The following TGFA variants were observed in gnomAD, a reference collection of about 807,000 sequenced individuals.
TGFA encodes transforming growth factor alpha, also known as protransforming growth factor alpha.
A neutral mutation model predicts 21.7 loss-of-function variants in TGFA; 12 were observed. The ratio of observed to expected loss-of-function variants is 0.55; its 90% CI spans 0.35 to 0.90. TGFA has a LOEUF of 0.90. Ranked by LOEUF, TGFA falls within the 40% of genes least tolerant of loss-of-function variation. The probability of loss-of-function intolerance (pLI) is 0.01; values close to 1 mark genes in which losing one functional copy is unlikely to be tolerated. For missense variants in TGFA, 178 were observed against 210.8 expected (o/e 0.84, Z 0.96); for synonymous variants, 79 against 88.1 (o/e 0.90, Z 0.58).
At chr2:70,464,573 G>C (rs538541937) in intron 3 of TGFA, among the ~76,000 whole-genome samples, 15 of 152,234 alleles carry the variant, frequency 9.9e-5, no homozygotes, top group Admixed American at 2.6e-4. Context: ...CAGGGATACC[G>C]CTGACTTCCT....
chr2:70,520,305 G>A lies in TGFA; in HGVS notation c.41-5393C>T, dbSNP rs199624412. ...GATCTTGAAATAGCATGCCTTTTAC[G>A]CCTTTTGAGGGTTTAAATAGTCAAA... is the stretch of plus-strand genomic sequence containing the variant. On this transcript the variant is annotated intron_variant, in intron 1 of 5. Coordinates refer to ENST00000295400, the MANE Select transcript of TGFA (RefSeq NM_003236.4). Among the ~76,000 whole-genome samples, 5 of 152,136 alleles carry A rather than the reference G, an allele frequency of 3.3e-5. No individual in the cohort carries two copies. In the East Asian group the frequency reaches 9.7e-4, roughly 29 times the overall value.
chr2:70,539,435 T>G (rs1673069000), intron 1 of TGFA, among the ~76,000 whole-genome samples: 1 of 152,180 alleles, frequency 6.6e-6, no homozygotes, highest in African/African-American at 2.4e-5. Context: ...TTATCTTTTA[T>G]CCTAAAAATT....
chr2:70,498,011 G>T (rs114058005), intron 2 of TGFA, among the ~76,000 whole-genome samples: 3 of 152,284 alleles, frequency 2.0e-5, no homozygotes, highest in Non-Finnish European at 4.4e-5. Flanking sequence ...AGCCAATGTG[G>T]TATTTTTATA....
At chr2:70,467,048 G>C (rs1670588334) in intron 2 of TGFA, among the ~76,000 whole-genome samples, 1 of 151,874 alleles carries the variant, frequency 6.6e-6, no homozygotes, top group African/African-American at 2.4e-5. Context: ...TTTGGGGGAG[G>C]GTGTTGGGGG....
At chr2:70,470,595 T>C (rs1242133199) in intron 2 of TGFA, among the ~76,000 whole-genome samples, 4 of 152,192 alleles carry the variant, frequency 2.6e-5, no homozygotes, top group African/African-American at 9.7e-5. Context: ...AACCATCAGT[T>C]CTTTCACTTC....
intron 2 of TGFA, among the ~76,000 whole-genome samples, chr2:70,497,876 G>A (rs1050021521): frequency 3.3e-5 from 5 of 152,188 alleles, no homozygotes; most frequent in Admixed American, 1.3e-4. Context: ...TTCACAAAAG[G>A]TGTTACAGTT....
At chr2:70,542,024 G>A (rs782809294) in intron 1 of TGFA, among the ~76,000 whole-genome samples, 1 of 152,172 alleles carries the variant, frequency 6.6e-6, no homozygotes, top group Non-Finnish European at 1.5e-5. Context: ...CCAGCCAAAA[G>A]TTTCCAACTG....
At chr2:70,484,220 T>C (rs1235717613) in intron 2 of TGFA, among the ~76,000 whole-genome samples, 1 of 152,226 alleles carries the variant, frequency 6.6e-6, no homozygotes, top group East Asian at 1.9e-4. Context: ...ATCTTCTGAG[T>C]AATACATAAC....
At chr2:70,549,694 C>T (rs1486458689) in intron 1 of TGFA, among the ~76,000 whole-genome samples, 1 of 152,204 alleles carries the variant, frequency 6.6e-6, no homozygotes, top group East Asian at 1.9e-4. Context: ...AAGAGTAGGA[C>T]CTTGTTCAAG....
In TGFA at chr2:70,510,299, C is replaced by T. The variant is rs113299952; in HGVS notation, c.94+4560G>A. On this transcript the variant is annotated intron_variant, in intron 2 of 5. Transcript: ENST00000295400. The stretch of plus-strand genomic sequence containing the variant: ...CATCTAGTTCCAAGAAAATCAAATA[C>T]GTGTCAGTGACACTACCACTTCCCT... Among the ~76,000 whole-genome samples the T allele has an allele frequency of 5.4e-3, 824 of 152,290 alleles. 14 individuals are homozygous for T. The highest frequency in any genetic ancestry group is 0.019 in the African/African-American group (788 of 41,552).
Position 70,553,778 on chromosome 2 carries a change from G to A in TGFA, c.-11C>T, listed in dbSNP as rs1673592485. On this transcript the variant is annotated 5_prime_UTR_variant, in exon 1 of 6. Transcript: ENST00000295400. ...AGCCGAGGGGACCATTTTACGGGCG[G>A]GCGGGCAGCAGGCTCTCCAGCCTCC... 3 of 1,278,054 alleles carry A rather than the reference G, an allele frequency of 2.3e-6. No homozygotes were observed. Among genetic ancestry groups the A allele is most frequent in the South Asian group, 3.2e-5 (1 of 31,612 alleles). The allele number at this position is 1,278,054 out of a possible 1,614,324, so 79.2% of individuals were successfully genotyped here. A position where few individuals can be genotyped will look rare whatever the true frequency, so the allele number is the denominator to read the frequency against.
chr2:70,473,364 T>A (rs574154677), intron 2 of TGFA, among the ~76,000 whole-genome samples: 1 of 151,986 alleles, frequency 6.6e-6, no homozygotes, highest in East Asian at 1.9e-4. Context: ...TGAGCAGGGA[T>A]CCTGCTCCCC....
chr2:70,461,916 A>G (rs1045534550), intron 3 of TGFA, among the ~76,000 whole-genome samples: 18 of 152,020 alleles, frequency 1.2e-4, no homozygotes, highest in Non-Finnish European at 2.4e-4. Flanking sequence ...ATTTGTTTAA[A>G]CTTTTTTTTC....
intron 1 of TGFA, among the ~76,000 whole-genome samples, chr2:70,533,298 T>C (rs1672872203): frequency 6.6e-6 from 1 of 152,162 alleles, no homozygotes; most frequent in African/African-American, 2.4e-5. Flanking sequence ...ACTGCTCTGT[T>C]ATAAAATGTT....
Position 70,448,643 on chromosome 2 carries a change from A to T in TGFA, c.*2216T>A, listed in dbSNP as rs1328841314. On this transcript the variant is annotated 3_prime_UTR_variant, in exon 6 of 6. Transcript: ENST00000295400. ...AAATAAGCCAGGCTGTTCTATCCTG[A>T]GGCATGGACAATGGTCCAACCAGGC... The T allele has an allele frequency of 6.6e-6, 1 of 152,248 alleles. No homozygotes were observed. The highest frequency in any genetic ancestry group is 1.5e-5 in the Non-Finnish European group (1 of 68,040). 9.4% of individuals were successfully genotyped at this position (152,248 alleles called of 1,614,324 possible). A position where few individuals can be genotyped will look rare whatever the true frequency, so the allele number is the denominator to read the frequency against.
intron 1 of TGFA, among the ~76,000 whole-genome samples, chr2:70,529,661 G>A (rs1420278246): frequency 2.8e-4 from 43 of 152,160 alleles, no homozygotes; most frequent in Admixed American, 2.7e-3. Context: ...AAATGAGGCT[G>A]GAGAGATGCT....
At chr2:70,548,135 C>A (rs2103953276) in intron 1 of TGFA, among the ~76,000 whole-genome samples, 1 of 152,256 alleles carries the variant, frequency 6.6e-6, no homozygotes, top group East Asian at 1.9e-4. Context: ...TGCAACCACC[C>A]TTGATTGCCA....
rs191412660 is a variant in TGFA, at chr2:70,487,076, T to C, written c.95-21340A>G. Reference sequence around the variant, plus strand: ...TGCGCCCAGCCCTATTTCTTGTTTTTAATCACTTTTGAAATTGCAAAAGCA... The same window carrying C: ...TGCGCCCAGCCCTATTTCTTGTTTTCAATCACTTTTGAAATTGCAAAAGCA... On this transcript the variant is annotated intron_variant, in intron 2 of 5. Coordinates refer to ENST00000295400, the MANE Select transcript of TGFA (RefSeq NM_003236.4). Among the ~76,000 whole-genome samples the C allele has an allele frequency of 6.1e-4, 93 of 152,370 alleles. 1 individual carries two copies. In the East Asian group the frequency reaches 0.011, roughly 18 times the overall value.
chr2:70,514,928 G>A lies in TGFA; in HGVS notation c.41-16C>T, dbSNP rs782794120. On this transcript the variant is annotated splice_polypyrimidine_tract_variant and intron_variant, in intron 1 of 5. Transcript: ENST00000295400. Reference sequence around the variant, plus strand: ...AACACAATACCTGTTGGGTGGAGGAGAAGAGGGAAAAGGTCAGAGTCTGCT... The same window carrying A: ...AACACAATACCTGTTGGGTGGAGGAAAAGAGGGAAAAGGTCAGAGTCTGCT... 2 of 1,613,178 alleles carry A rather than the reference G, an allele frequency of 1.2e-6. No individual in the cohort carries two copies. Among genetic ancestry groups the A allele is most frequent in the Admixed American group, 1.7e-5 (1 of 59,912 alleles).
Sources: allele counts gnomAD v4.1 joint callset (sites outside exome capture counted in the v4.1 genomes callset), GRCh38; gene constraint gnomAD v4.1.1; transcripts MANE v1.5; gene names NCBI Gene and HGNC (gene_info 2026-07-23, HGNC 2026-07-21).